THADA: variants seen among roughly 807,000 people sequenced by gnomAD.
The protein encoded by THADA is tRNA (32-2'-O)-methyltransferase regulator THADA.
THADA carries 213 observed loss-of-function variants against 219.8 expected under a neutral mutation model. That is an observed-to-expected ratio of 0.97 (90% CI 0.87 to 1.09). THADA has a LOEUF of 1.09. Among genes scored for constraint, THADA ranks in the 50% least tolerant of loss-of-function variants. The pLI is 0.00. For missense variants in THADA, 2,956 were observed against 2,311.3 expected, an observed-to-expected ratio of 1.28 and a Z score of -5.72; for synonymous variants, 1,018 against 828.9, an observed-to-expected ratio of 1.23 and a Z score of -3.92.
At chr2:43,483,810 A>T (rs963897222) in intron 26 of THADA, among the ~76,000 whole-genome samples, 8 of 151,516 alleles carry the variant, frequency 5.3e-5, no homozygotes, top group Admixed American at 4.6e-4. Context: ...ACAAAAAAAA[A>T]TTTTCTTCAA....
chr2:43,245,464 C>T (rs928527108), intron 36 of THADA, among the ~76,000 whole-genome samples: 5 of 152,180 alleles, frequency 3.3e-5, no homozygotes, highest in Non-Finnish European at 5.9e-5. Context: ...TGAGCCACCA[C>T]GCCCAGCAAC....
At chr2:43,246,296 A>G (rs958710020) in intron 36 of THADA, among the ~76,000 whole-genome samples, 7 of 152,096 alleles carry the variant, frequency 4.6e-5, no homozygotes, top group African/African-American at 9.7e-5. Flanking sequence ...GGAGTTTGAG[A>G]CCAGCCTGGC....
At chr2:43,347,630 G>A (rs1296389266) in intron 29 of THADA, among the ~76,000 whole-genome samples, 1 of 152,180 alleles carries the variant, frequency 6.6e-6, no homozygotes, top group East Asian at 1.9e-4. Context: ...ATTCATAGTA[G>A]GAGAAAATTG....
At chr2:43,531,615 C>G (rs571091385) in intron 21 of THADA, among the ~76,000 whole-genome samples, 1 of 152,132 alleles carries the variant, frequency 6.6e-6, no homozygotes, top group African/African-American at 2.4e-5. Context: ...TAACTCAAAC[C>G]ACTTACAAAA....
In THADA at chr2:43,292,149, G is replaced by C. The variant is rs1674807664; in HGVS notation, c.4892C>G (p.Pro1631Arg). ...PQTEHCVHLT[P>R]KEFLIWTMDI... The stretch of plus-strand genomic sequence containing the variant: ...CATCGTCCAGATCAAGAACTCCTTT[G>C]GGGTCAGATGGACACAGTGCTCCGT... The change falls in exon 33 of 38, where the codon CCA (proline) becomes CGA (arginine). Residue 1631 changes from proline (P) to arginine (R), a missense_variant. Physicochemically the swap from Pro to Arg is moderately radical, Grantham distance 103. Transcript: ENST00000405975. The C allele has an allele frequency of 6.2e-7, 1 of 1,611,764 alleles. No individual in the cohort carries two copies. Among genetic ancestry groups the C allele is most frequent in the African/African-American group, 1.3e-5 (1 of 74,878 alleles).
At chr2:43,278,038 C>A (rs1672926239) in intron 36 of THADA, among the ~76,000 whole-genome samples, 1 of 150,052 alleles carries the variant, frequency 6.7e-6, no homozygotes, top group Admixed American at 6.7e-5. Context: ...GCGACCTATG[C>A]CTCCTGGGTT....
intron 31 of THADA, among the ~76,000 whole-genome samples, chr2:43,302,225 G>C (rs1348189462): frequency 6.6e-6 from 1 of 151,928 alleles, no homozygotes; most frequent in Non-Finnish European, 1.5e-5. Flanking sequence ...TTTCTTCTTT[G>C]TTGGAAAGCC....
At chr2:43,285,006 C>T (rs964465376) in intron 35 of THADA, among the ~76,000 whole-genome samples, 14 of 152,194 alleles carry the variant, frequency 9.2e-5, no homozygotes, top group African/African-American at 2.9e-4. Flanking sequence ...GGAATGGGAG[C>T]ATTTACCCAC....
intron 4 of THADA, among the ~76,000 whole-genome samples, chr2:43,589,674 ACT>A (rs1701351920): frequency 6.6e-6 from 1 of 152,152 alleles, no homozygotes; most frequent in Non-Finnish European, 1.5e-5. Context: ...GCCTTTGGAG[ACT>A]CAGGGGAAAG....
rs186889034 is a variant in THADA at position 43,310,337 on chromosome 2, A to G, written c.4438+10109T>C. ...AAGAGGACTCACACATCCTGATTTC[A>G]AGTTACTATGAAGTAATGATAATCA... On this transcript the variant is annotated intron_variant, in intron 31 of 37. Coordinates refer to ENST00000405975, the MANE Select transcript of THADA (RefSeq NM_022065.5). Among the ~76,000 whole-genome samples, 390 of 152,086 alleles carry G rather than the reference A, an allele frequency of 2.6e-3. 1 individual carries two copies. Among genetic ancestry groups the G allele is most frequent in the South Asian group, 4.6e-3 (22 of 4,814 alleles).
At chr2:43,455,057 G>A (rs1040858365) in intron 26 of THADA, among the ~76,000 whole-genome samples, 1 of 151,712 alleles carries the variant, frequency 6.6e-6, no homozygotes, top group African/African-American at 2.4e-5. Flanking sequence ...ATAATTTTCT[G>A]CCCTCACTTT....
intron 36 of THADA, among the ~76,000 whole-genome samples, chr2:43,254,223 A>C (rs996308076): frequency 6.6e-5 from 10 of 152,114 alleles, no homozygotes. Flanking sequence ...GACTTGAATA[A>C]ATGAAGATGT....
At chr2:43,235,753 G>A (rs1162039900) in intron 36 of THADA, among the ~76,000 whole-genome samples, 3 of 152,024 alleles carry the variant, frequency 2.0e-5, no homozygotes, top group Non-Finnish European at 4.4e-5. Flanking sequence ...TGCCACCAAG[G>A]AAGGCTAGGC....
intron 29 of THADA, among the ~76,000 whole-genome samples, chr2:43,344,495 T>C (rs1391173833): frequency 6.6e-6 from 1 of 152,218 alleles, no homozygotes; most frequent in Non-Finnish European, 1.5e-5. Flanking sequence ...CCAACAATCA[T>C]CTGCCACAAG....
intron 26 of THADA, among the ~76,000 whole-genome samples, chr2:43,437,419 T>C (rs1393561824): frequency 6.6e-6 from 1 of 152,178 alleles, no homozygotes; most frequent in Non-Finnish European, 1.5e-5. Flanking sequence ...GTACAAGTGA[T>C]TGGATCTGAG....
At chr2:43,566,905 G>T in intron 14 of THADA, 84 bp from the exon 15 acceptor site, 3 of 937,848 alleles carry the variant, frequency 3.2e-6, no homozygotes, top group Non-Finnish European at 4.3e-6. Context: ...TTTAAGAGTG[G>T]GTGTTTTTGT....
At chr2:43,284,317 C>T (rs919028288) in intron 35 of THADA, among the ~76,000 whole-genome samples, 1 of 152,194 alleles carries the variant, frequency 6.6e-6, no homozygotes, top group South Asian at 2.1e-4. Context: ...TTAGGCCAGG[C>T]CCAGGGCCCA....
At chr2:43,293,358 G>T in intron 31 of THADA, 145 bp from the exon 32 acceptor site, 1 of 891,940 alleles carries the variant, frequency 1.1e-6, no homozygotes, top group Non-Finnish European at 1.7e-6. Flanking sequence ...TAAGTGAGTG[G>T]CCCTCTAAGG....
intron 36 of THADA, among the ~76,000 whole-genome samples, chr2:43,273,358 G>A (rs1027290038): frequency 6.6e-6 from 1 of 152,134 alleles, no homozygotes. Flanking sequence ...TTGGAGATAG[G>A]TAGGAGGATA....
Sources: allele counts gnomAD v4.1 joint callset (sites outside exome capture counted in the v4.1 genomes callset), GRCh38; gene constraint gnomAD v4.1.1; transcripts MANE v1.5; gene names NCBI Gene and HGNC (gene_info 2026-07-23, HGNC 2026-07-21).